The following ODF2L variants were observed in gnomAD, a reference collection of about 807,000 sequenced individuals.
The protein encoded by ODF2L is protein BCAP.
A neutral mutation model predicts 86.3 loss-of-function variants in ODF2L; 76 were observed. The ratio of observed to expected loss-of-function variants is 0.88; its 90% CI spans 0.73 to 1.07. The LOEUF is 1.07. ODF2L is among the 50% of genes least tolerant of loss of function. The pLI is 0.00. For missense variants in ODF2L, 748 were observed against 717.4 expected (o/e 1.04, Z -0.49); for synonymous variants, 241 against 231.3 (o/e 1.04, Z -0.38).
chr1:86,356,378 C>A (rs917175327), intron 14 of ODF2L, 66 bp downstream of exon 13: 5 of 1,365,834 alleles, frequency 3.7e-6, no homozygotes, highest in Non-Finnish European at 5.0e-6. Flanking sequence ...GTGCCCTCAA[C>A]TGGTGAAATC....
downstream of ODF2L, chr1:86,348,492 T>C: frequency 5.1e-6 from 1 of 196,382 alleles, no homozygotes; most frequent in Non-Finnish European, 9.7e-6. Context: ...GAGAAAAATA[T>C]TCTAACAACC....
At chr1:86,360,714 G>A in intron 11 of ODF2L, 178 bp from the exon 11 acceptor site, 1 of 402,156 alleles carries the variant, frequency 2.5e-6, no homozygotes, top group Non-Finnish European at 4.4e-6. Flanking sequence ...TAATAATTAT[G>A]AACATCCTTA....
chr1:86,386,143 T>G (rs1161126911), intron 2 of ODF2L: 1 of 152,354 alleles, frequency 6.6e-6, no homozygotes, highest in African/African-American at 2.4e-5. Flanking sequence ...CTATCCATAC[T>G]GACAGTAATG....
chr1:86,391,004 CA>C (rs1359193580), intron 1 of ODF2L, among the ~76,000 whole-genome samples: 1 of 152,154 alleles, frequency 6.6e-6, no homozygotes, highest in Non-Finnish European at 1.5e-5. Flanking sequence ...TTAATGTACA[CA>C]AATCAGTAGC....
chr1:86,388,770 TAA>T (rs1661119470), intron 1 of ODF2L, among the ~76,000 whole-genome samples: 1 of 152,166 alleles, frequency 6.6e-6, no homozygotes, highest in African/African-American at 2.4e-5. Context: ...TATCATAAGA[TAA>T]AGTCATAAAA....
exon 18 of ODF2L, chr1:86,351,971 AT>A (rs1305108697): frequency 2.4e-6 from 3 of 1,264,794 alleles, no homozygotes; most frequent in Non-Finnish European, 3.0e-6. Context: ...CAGCACACAC[AT>A]TTTACAATAT....
intron 1 of ODF2L, among the ~76,000 whole-genome samples, chr1:86,391,186 T>C (rs564459557): frequency 3.3e-5 from 5 of 152,114 alleles, no homozygotes; most frequent in Admixed American, 6.5e-5. Flanking sequence ...AAAGAAATCA[T>C]AGATAACACA....
intron 9 of ODF2L, among the ~76,000 whole-genome samples, chr1:86,372,018 T>G (rs1659818162): frequency 6.6e-6 from 1 of 151,736 alleles, no homozygotes; most frequent in South Asian, 2.1e-4. Flanking sequence ...AAACCCTGTC[T>G]CTACTAAAAA....
At chr1:86,376,669 T>C (rs1158961674) in intron 7 of ODF2L, among the ~76,000 whole-genome samples, 1 of 152,094 alleles carries the variant, frequency 6.6e-6, no homozygotes, top group Admixed American at 6.6e-5. Context: ...CTTCTTCACA[T>C]GGCGACAGGA....
At chr1:86,382,031 G>T in intron 7 of ODF2L, 2 of 453,148 alleles carry the variant, frequency 4.4e-6, no homozygotes, top group Non-Finnish European at 6.7e-6. Context: ...TTCCTAGATT[G>T]GTATTAAACA....
At chr1:86,356,292 G>C (rs534906791) in intron 14 of ODF2L, 152 bp downstream of exon 13, 8 of 549,376 alleles carry the variant, frequency 1.5e-5, no homozygotes, top group Admixed American at 6.8e-5. Context: ...TTGCAAAACT[G>C]TATTATAGTA....
At chr1:86,369,631 G>A (rs1268644321) in intron 10 of ODF2L, among the ~76,000 whole-genome samples, 1 of 152,100 alleles carries the variant, frequency 6.6e-6, no homozygotes, top group East Asian at 1.9e-4. Context: ...GAATCTTTTT[G>A]GCTTAGGCAA....
chr1:86,390,946 C>T (rs1661283145), intron 1 of ODF2L, among the ~76,000 whole-genome samples: 1 of 152,140 alleles, frequency 6.6e-6, no homozygotes, highest in African/African-American at 2.4e-5. Context: ...AAAGACTCCT[C>T]CAAAAAGCTC....
At position 86,376,408 on chromosome 1, in the gene ODF2L, G is replaced by GT. The variant is rs1373828658; in HGVS notation, c.634dup (p.Thr212AsnfsTer14). The GT allele has an allele frequency of 6.3e-7, 1 of 1,575,754 alleles. No individual in the cohort carries two copies. The highest frequency in any genetic ancestry group is 2.0e-5 in the Admixed American group (1 of 50,194). On this transcript the variant is annotated frameshift_variant, in exon 8 of 18. Coordinates refer to ENST00000317336, the Ensembl canonical transcript of ODF2L. LOFTEE classifies it high-confidence loss of function. ...TTGCAGGTTCCACTTGGCTATCTTG[G>GT]TTTCTAAGCTCTAAAAAAAAAATTA...
chr1:86,371,294 A>G, intron 9 of ODF2L, 141 bp from the exon 10 acceptor site: 3 of 460,394 alleles, frequency 6.5e-6, no homozygotes, highest in Non-Finnish European at 1.1e-5. Context: ...TAGAACTCAT[A>G]GAACAAGAAA....
intron 1 of ODF2L, among the ~76,000 whole-genome samples, chr1:86,391,879 T>A (rs1245758372): frequency 1.3e-5 from 2 of 152,170 alleles, no homozygotes; most frequent in African/African-American, 2.4e-5. Flanking sequence ...AGCTTTTGCA[T>A]GGCAAAAGGA....
chr1:86,386,926 A>T (rs750499134), exon 2 of ODF2L: 13 of 1,555,812 alleles, frequency 8.4e-6, no homozygotes, highest in African/African-American at 1.4e-5. Flanking sequence ...AGCTGAGATG[A>T]CTTTCACTGG....
chr1:86,376,770 G>A (rs1318861149), intron 7 of ODF2L, among the ~76,000 whole-genome samples: 1 of 152,000 alleles, frequency 6.6e-6, no homozygotes, highest in Non-Finnish European at 1.5e-5. Context: ...AACAGCATGG[G>A]GAAAACCACC....
At position 86,383,213 on chromosome 1, in the gene ODF2L, A is replaced by G; in HGVS notation, c.373-17T>C. The G allele has an allele frequency of 7.0e-7, 1 of 1,426,430 alleles. No homozygotes were observed. The allele number at this position is 1,426,430 out of a possible 1,614,324, so 88.4% of individuals were successfully genotyped here. A position where few individuals can be genotyped will look rare whatever the true frequency, so the allele number is the denominator to read the frequency against. ...GTCTCCTGTCTGAGAAAAGAATGTT[A>G]TAAATCAGTGATCGCAAATTATATT... On this transcript the variant is annotated splice_polypyrimidine_tract_variant and intron_variant, in intron 4 of 17. Coordinates refer to ENST00000317336, the Ensembl canonical transcript of ODF2L.
Sources: gnomAD v4.1 joint callset for allele counts (sites outside exome capture counted in the v4.1 genomes callset) on GRCh38, gnomAD v4.1.1 for gene constraint, MANE v1.5 for transcripts, NCBI Gene and HGNC (gene_info 2026-07-23, HGNC 2026-07-21) for gene names.